DAB1: variants seen among roughly 807,000 people sequenced by gnomAD.
DAB1 encodes disabled homolog 1.
A neutral mutation model predicts 64.6 loss-of-function variants in DAB1; 15 were observed. That is an observed-to-expected ratio of 0.23 (90% CI 0.16 to 0.36). The LOEUF is 0.36. DAB1 is among the 10% of genes least tolerant of loss of function. The pLI, the probability that DAB1 is intolerant of heterozygous loss-of-function variation, is 1.00. For missense variants in DAB1, 596 were observed against 706.7 expected, an observed-to-expected ratio of 0.84 and a Z score of 1.78; for synonymous variants, 235 against 251.9, an observed-to-expected ratio of 0.93 and a Z score of 0.64.
intron 5 of DAB1, among the ~76,000 whole-genome samples, chr1:58,037,575 T>C (rs942422315): frequency 3.3e-5 from 5 of 152,188 alleles, no homozygotes; most frequent in African/African-American, 1.2e-4. Flanking sequence ...GAGAATTTGA[T>C]GCCTGATTGA....
intron 7 of DAB1, among the ~76,000 whole-genome samples, chr1:57,578,071 T>C (rs1373927992): frequency 6.6e-6 from 1 of 152,174 alleles, no homozygotes; most frequent in Non-Finnish European, 1.5e-5. Context: ...GAGAAAGCCC[T>C]TTGGGACTCC....
intron 4 of DAB1, among the ~76,000 whole-genome samples, chr1:58,228,181 C>T (rs79864498): frequency 0.021 from 3,187 of 152,216 alleles, 140 homozygotes; most frequent in South Asian, 0.11. Flanking sequence ...GAGTGCACAA[C>T]CTGGAGATAG....
At chr1:57,000,093 G>C (rs1645795002) in intron 14 of DAB1, among the ~76,000 whole-genome samples, 1 of 139,530 alleles carries the variant, frequency 7.2e-6, no homozygotes, top group Admixed American at 7.7e-5. Flanking sequence ...GCCCAGGCTA[G>C]AGTGCAGTGG....
chr1:58,188,167 C>A (rs1657194910), intron 4 of DAB1, among the ~76,000 whole-genome samples: 1 of 152,144 alleles, frequency 6.6e-6, no homozygotes, highest in Non-Finnish European at 1.5e-5. Context: ...CCTTGGCCTC[C>A]CAAAGTGCTG....
At chr1:57,858,223 C>A (rs1313665572) in intron 1 of DAB1, among the ~76,000 whole-genome samples, 2 of 152,054 alleles carry the variant, frequency 1.3e-5, no homozygotes, top group African/African-American at 4.8e-5. Context: ...TCTAAGAGAA[C>A]CTTAGTAATT....
chr1:57,435,824 T>C (rs757567957), intron 7 of DAB1, among the ~76,000 whole-genome samples: 5 of 151,900 alleles, frequency 3.3e-5, no homozygotes, highest in Non-Finnish European at 7.4e-5. Flanking sequence ...CAGAGTATAA[T>C]AAATATATAG....
At chr1:58,393,685 G>A (rs1480247848) in intron 3 of DAB1, among the ~76,000 whole-genome samples, 1 of 152,148 alleles carries the variant, frequency 6.6e-6, no homozygotes, top group Non-Finnish European at 1.5e-5. Context: ...ACTCATAGAA[G>A]TAAAGAATAG....
chr1:58,328,339 G>A (rs1015346662), intron 4 of DAB1, among the ~76,000 whole-genome samples: 2 of 152,158 alleles, frequency 1.3e-5, no homozygotes, highest in African/African-American at 2.4e-5. Flanking sequence ...CCCTACTCCC[G>A]TTTTCATAGT....
chr1:57,849,776 A>G (rs1653437943), intron 1 of DAB1, among the ~76,000 whole-genome samples: 1 of 152,222 alleles, frequency 6.6e-6, no homozygotes, highest in South Asian at 2.1e-4. Context: ...ACATCTGAAC[A>G]CATTTTGGCT....
chr1:58,324,928 C>A (rs1662786313), intron 4 of DAB1, among the ~76,000 whole-genome samples: 1 of 152,176 alleles, frequency 6.6e-6, no homozygotes, highest in African/African-American at 2.4e-5. Context: ...CAGATGCCAC[C>A]ATTCCACTGT....
intron 2 of DAB1, among the ~76,000 whole-genome samples, chr1:57,248,348 T>G (rs74075984): frequency 0.04 from 6,038 of 152,196 alleles, 190 homozygotes; most frequent in Admixed American, 0.087. Context: ...GAGGGTCAAC[T>G]GTACATTTTT....
intron 5 of DAB1, among the ~76,000 whole-genome samples, chr1:57,982,220 G>T (rs990514867): frequency 1.3e-5 from 2 of 152,078 alleles, no homozygotes; most frequent in African/African-American, 4.8e-5. Flanking sequence ...TCATTGGGTG[G>T]GCAGCTACCA....
rs371413688 is a variant in DAB1, at chr1:58,373,791, A to T, written n.258-30388T>A. Among the ~76,000 whole-genome samples the T allele has an allele frequency of 6.5e-4, 99 of 151,362 alleles. 1 individual carries two copies. The East Asian group carries it at 0.018, about 28-fold the overall frequency. On this transcript the variant is annotated intron_variant and non_coding_transcript_variant, in intron 3 of 20. Transcript: ENST00000485760. ...GATGGTTCAACTAGTTTACAGTCCCACCAACAGTGTAAAAGTGTTCCTATT... is the reference window on the plus strand; with the variant it reads ...GATGGTTCAACTAGTTTACAGTCCCTCCAACAGTGTAAAAGTGTTCCTATT...
chr1:57,604,537 A>G (rs1645613464), intron 7 of DAB1, among the ~76,000 whole-genome samples: 3 of 152,192 alleles, frequency 2.0e-5, no homozygotes, highest in Admixed American at 2.0e-4. Flanking sequence ...ATCATTTTGT[A>G]GCAGATACTT....
intron 5 of DAB1, chr1:58,150,442 C>T (rs1049237589): frequency 7.9e-5 from 12 of 152,254 alleles, no homozygotes; most frequent in African/African-American, 2.6e-4. Flanking sequence ...CTGATAAGTA[C>T]TTTACTAAAA....
At chr1:57,588,630 T>C (rs1324439893) in intron 7 of DAB1, among the ~76,000 whole-genome samples, 1 of 152,170 alleles carries the variant, frequency 6.6e-6, no homozygotes, top group African/African-American at 2.4e-5. Context: ...TGGCAAATAT[T>C]GAAATCTAGA....
At chr1:57,299,947 G>T (rs1412483398) in intron 1 of DAB1, among the ~76,000 whole-genome samples, 1 of 152,112 alleles carries the variant, frequency 6.6e-6, no homozygotes, top group Non-Finnish European at 1.5e-5. Context: ...TGCTTGCCTT[G>T]TGTTCAGCTC....
chr1:58,291,239 A>G (rs1043673605), intron 4 of DAB1, among the ~76,000 whole-genome samples: 2 of 152,250 alleles, frequency 1.3e-5, no homozygotes, highest in African/African-American at 2.4e-5. Flanking sequence ...ATAAAAACCA[A>G]TAAATTAAAC....
chr1:57,570,779 G>A (rs1349297445), intron 7 of DAB1, among the ~76,000 whole-genome samples: 1 of 152,170 alleles, frequency 6.6e-6, no homozygotes, highest in East Asian at 1.9e-4. Context: ...TTTGTAGATT[G>A]CTTTTGGCAG....
Sources: allele counts gnomAD v4.1 joint callset (sites outside exome capture counted in the v4.1 genomes callset), GRCh38; gene constraint gnomAD v4.1.1; transcripts MANE v1.5; gene names NCBI Gene and HGNC (gene_info 2026-07-23, HGNC 2026-07-21).